Variants in TTC21A observed in about 807,000 individuals in gnomAD.
TTC21A encodes the protein tetratricopeptide repeat protein 21A.
A neutral mutation model predicts 156.4 loss-of-function variants in TTC21A; 128 were observed. That is an observed-to-expected ratio of 0.82 (90% CI 0.71 to 0.95). The LOEUF (loss-of-function observed/expected upper bound fraction) is 0.95, where lower values mean the gene tolerates loss of function less well. TTC21A is among the 40% of genes least tolerant of loss of function. TTC21A has a pLI of 0.00. For missense variants in TTC21A, 1,435 were observed against 1,602.3 expected (o/e 0.90, Z 1.78); for synonymous variants, 587 against 617.1 (o/e 0.95, Z 0.72).
intron 8 of TTC21A, 93 bp downstream of exon 8, chr3:39,120,113 T>TACC (rs1273901617): frequency 1.1e-6 from 1 of 872,116 alleles, no homozygotes; most frequent in Non-Finnish European, 1.9e-6. Context: ...TTGAGTGCCT[T>TACC]ACCCCTCCCT....
At position 39,111,003 on chromosome 3, in the gene TTC21A, A is replaced by G. The variant is rs1209034231; in HGVS notation, c.421A>G (p.Arg141Gly). Residue 141 changes from arginine (R) to glycine (G), a missense_variant, in exon 4 of 29, where the codon AGA becomes GGA. Arg to Gly is a moderately radical substitution (Grantham distance 125, BLOSUM62 -2). Transcript: ENST00000683103. ...EYIDRMLKIS[R>G]GFREAYVLRG... ...CATTGACCGCATGCTGAAGATTTCT[A>G]GAGGCTTCAGAGAGGTACTTACCAC... The G allele has an allele frequency of 2.5e-6, 4 of 1,610,478 alleles. No homozygotes were observed. Among genetic ancestry groups the G allele is most frequent in the African/African-American group, 1.3e-5 (1 of 74,744 alleles).
Position 39,111,002 on chromosome 3 carries a change from T to A in TTC21A, c.420T>A (p.Ser140=). 6.2e-7 allele frequency: 1 copy of A among 1,611,272 alleles called. No individual in the cohort carries two copies. Among genetic ancestry groups the A allele is most frequent in the South Asian group, 1.1e-5 (1 of 90,956 alleles). Residue 140 remains serine (S), a synonymous_variant, in exon 4 of 29, where the codon TCT becomes TCA. Coordinates refer to ENST00000683103, the MANE Select transcript of TTC21A (RefSeq NM_001366900.1). ...ACATTGACCGCATGCTGAAGATTTC[T>A]AGAGGCTTCAGAGAGGTACTTACCA... is the stretch of plus-strand genomic sequence containing the variant. The part of the protein sequence containing the change: ...KEYIDRMLKI[S]RGFREAYVLR...
chr3:39,111,821 A>G (rs1480308576), intron 4 of TTC21A, among the ~76,000 whole-genome samples: 1 of 152,224 alleles, frequency 6.6e-6, no homozygotes, highest in Non-Finnish European at 1.5e-5. Context: ...AAATAGAACT[A>G]TAATAGAGAA....
At position 39,129,217 on chromosome 3, in the gene TTC21A, C is replaced by G. The variant is rs374625585; in HGVS notation, c.2042C>G (p.Pro681Arg). 4 of 1,614,064 alleles carry G rather than the reference C, an allele frequency of 2.5e-6. No homozygotes were observed. Among genetic ancestry groups the G allele is most frequent in the Non-Finnish European group, 3.4e-6 (4 of 1,180,042 alleles). The change falls in exon 15 of 29, where the codon CCC becomes CGC. Residue 681 changes from proline (P) to arginine (R), a missense_variant. Pro to Arg is a moderately radical substitution (Grantham distance 103, BLOSUM62 -2). Coordinates refer to ENST00000683103, the MANE Select transcript of TTC21A (RefSeq NM_001366900.1). ...CTGAACATGCTAAGGAACATCTTGCCCAAGCAGTCCTGCTATATGGAAGCC... is the reference window on the plus strand; with the variant it reads ...CTGAACATGCTAAGGAACATCTTGCGCAAGCAGTCCTGCTATATGGAAGCC... ...VALNMLRNIL[P>R]KQSCYMEARE... is the part of the protein sequence containing the mutation.
At chr3:39,114,957 A>C (rs999702308) in intron 6 of TTC21A, among the ~76,000 whole-genome samples, 1 of 152,208 alleles carries the variant, frequency 6.6e-6, no homozygotes, top group African/African-American at 2.4e-5. Context: ...GTGGCCTATG[A>C]TGGCTAAATC....
At chr3:39,135,035 TAC>T in intron 21 of TTC21A, 56 bp from the exon 22 acceptor site, 1 of 752,302 alleles carries the variant, frequency 1.3e-6, no homozygotes, top group Non-Finnish European at 2.2e-6. Context: ...CGCCTCCCCC[TAC>T]ACCCATGCAA....
At chr3:39,128,034 C>A (rs1448633294) in intron 12 of TTC21A, among the ~76,000 whole-genome samples, 1 of 152,142 alleles carries the variant, frequency 6.6e-6, no homozygotes, top group Non-Finnish European at 1.5e-5. Context: ...TAATGTGTTC[C>A]CCTGAGCTTC....
intron 7 of TTC21A, 91 bp downstream of exon 7, chr3:39,118,244 A>AG (rs746698514): frequency 7.8e-7 from 1 of 1,278,622 alleles, no homozygotes; most frequent in African/African-American, 1.5e-5. Context: ...AAGCCCTTGT[A>AG]GGGAGCTCCT....
chr3:39,107,757 A>G lies in TTC21A; in HGVS notation c.-81A>G. The G allele has an allele frequency of 6.3e-7, 1 of 1,590,764 alleles. No homozygotes were observed. Among genetic ancestry groups the G allele is most frequent in the South Asian group, 1.1e-5 (1 of 90,650 alleles). ...AACGCCTTCAACCGCCCGCCGCGAT[A>G]GAGTGCCCACGACCCTGCCTCGGGA... is the stretch of plus-strand genomic sequence containing the variant. On this transcript the variant is annotated 5_prime_UTR_variant, in exon 1 of 29. It adds an upstream start codon to the 5' untranslated region. Transcript: ENST00000683103.
rs749841299 is a variant in TTC21A at position 39,107,909 on chromosome 3, GC to G, written c.27+49del. The G allele has an allele frequency of 2.5e-6, 4 of 1,607,000 alleles. No homozygotes were observed. The African/African-American group carries it at 5.4e-5, about 22-fold the overall frequency. On this transcript the variant is annotated intron_variant, in intron 1 of 28. Transcript: ENST00000683103. ...TCCGAGGGCTCCCTCGTGACTCCCC[GC>G]CCCTGACCCAGAGACCGTCTGCCCT...
intron 7 of TTC21A, chr3:39,118,826 T>C (rs759405853): frequency 1.3e-5 from 2 of 152,478 alleles, no homozygotes; most frequent in African/African-American, 2.4e-5. Context: ...ATTGCCTCTA[T>C]GGAGAGCATG....
chr3:39,136,106 A>G (rs988166425), intron 22 of TTC21A: 1 of 306,988 alleles, frequency 3.3e-6, no homozygotes, highest in Non-Finnish European at 6.0e-6. Context: ...CAGTTAATAT[A>G]TAGGTAAAGC....
At chr3:39,107,890 G>T (rs760318517) in intron 1 of TTC21A, 26 bp downstream of exon 1, 6 of 1,611,232 alleles carry the variant, frequency 3.7e-6, no homozygotes, top group Middle Eastern at 1.6e-4. Context: ...GCTGTCCGAG[G>T]GCTCCCTCGT....
rs1379435247 is a variant in TTC21A at position 39,114,632 on chromosome 3, G to A, written c.606G>A (p.Val202=). Residue 202 remains valine (V), a synonymous_variant, in exon 6 of 29, where the codon GTG becomes GTA. Coordinates refer to ENST00000683103, the MANE Select transcript of TTC21A (RefSeq NM_001366900.1). ...AGAACTACTCAGAGGCCCTGGAGGT[G>A]GTGAACCAGATCACTGTGACTTCAG... ...MQQNYSEALE[V]VNQITVTSGS... is the part of the protein sequence containing the mutation. 3 of 1,614,034 alleles carry A rather than the reference G, an allele frequency of 1.9e-6. No individual in the cohort carries two copies. Among genetic ancestry groups the A allele is most frequent in the East Asian group, 2.2e-5 (1 of 44,890 alleles).
At chr3:39,117,212 AGTAT>A (rs562685674) in intron 6 of TTC21A, among the ~76,000 whole-genome samples, 126 of 152,358 alleles carry the variant, frequency 8.3e-4, no homozygotes, top group Non-Finnish European at 1.5e-3. Flanking sequence ...GTTATTTCAA[AGTAT>A]GTTGCAGTTT....
rs369395208 is a variant in TTC21A at position 39,107,960 on chromosome 3, G to T, written c.27+96G>T. 1.1e-4 allele frequency: 166 copies of T among 1,485,142 alleles called. 1 individual carries two copies. The highest frequency in any genetic ancestry group is 7.1e-4 in the East Asian group (31 of 43,358). 92.0% of individuals were successfully genotyped at this position (1,485,142 alleles called of 1,614,324 possible). On this transcript the variant is annotated intron_variant, in intron 1 of 28. Coordinates refer to ENST00000683103, the MANE Select transcript of TTC21A (RefSeq NM_001366900.1). ...TGCTACTCTCCTGCCACCCTTCGCTGTCCTCAGTTATATCAGGCGGTCCTG... is the reference window on the plus strand; with the variant it reads ...TGCTACTCTCCTGCCACCCTTCGCTTTCCTCAGTTATATCAGGCGGTCCTG...
chr3:39,129,270 C>T lies in TTC21A; in HGVS notation c.2095C>T (p.Gln699Ter), dbSNP rs1301801883. ...AREKMANIYL[Q>*]TLRDRRLYIR... Reference sequence around the variant, plus strand: ...AGAGAAGATGGCCAACATCTACCTGCAGACCCTCAGAGACAGGCGCCTCTA... The same window carrying T: ...AGAGAAGATGGCCAACATCTACCTGTAGACCCTCAGAGACAGGCGCCTCTA... The change falls in exon 15 of 29, where the codon CAG (glutamine) becomes TAG (stop). Residue 699 changes from glutamine to a stop codon, truncating the protein, a stop_gained. Transcript: ENST00000683103. LOFTEE classifies it high-confidence loss of function. 5.6e-6 allele frequency: 9 copies of T among 1,614,116 alleles called. No homozygotes were observed. Among genetic ancestry groups the T allele is most frequent in the African/African-American group, 1.3e-5 (1 of 74,946 alleles).
Position 39,134,255 on chromosome 3 carries a change from G to C in TTC21A, c.2789G>C (p.Gly930Ala). ...LELAQLYLLQGHLDLCEQHCA... is the reference protein window; with the variant it reads ...LELAQLYLLQAHLDLCEQHCA... ...CTGGCGCAGCTCTACCTGCTCCAGG[G>C]GCACCTGGACCTGTGTGAGCAGCAC... Residue 930 changes from glycine to alanine, a missense_variant, in exon 21 of 29, where the codon GGG becomes GCG. By Grantham distance (60) the Gly-to-Ala change is moderately conservative. Transcript: ENST00000683103. The surrounding 1 kb of genome is among the most constrained non-coding windows in gnomAD (Gnocchi z 4.6). 6.2e-7 allele frequency: 1 copy of C among 1,613,836 alleles called. No individual in the cohort carries two copies.
intron 4 of TTC21A, among the ~76,000 whole-genome samples, chr3:39,111,286 C>T (rs915319028): frequency 6.6e-6 from 1 of 152,138 alleles, no homozygotes; most frequent in South Asian, 2.1e-4. Flanking sequence ...TTTGAGACCT[C>T]ACTGCAGCCT....
Sources: gnomAD v4.1 joint callset for allele counts (sites outside exome capture counted in the v4.1 genomes callset) on GRCh38, gnomAD v4.1.1 for gene constraint, Gnocchi (gnomAD v3.1) non-coding constraint, MANE v1.5 for transcripts, NCBI Gene and HGNC (gene_info 2026-07-23, HGNC 2026-07-21) for gene names.